Variants in CRISPLD1 observed in about 807,000 individuals in gnomAD.
CRISPLD1 encodes the protein cysteine rich secretory protein LCCL domain containing 1, also known as cysteine-rich secretory protein LCCL domain-containing 1.
A neutral mutation model predicts 77.5 loss-of-function variants in CRISPLD1; 60 were observed. The ratio of observed to expected loss-of-function variants is 0.77; its 90% CI spans 0.63 to 0.96. The LOEUF is 0.96. Ranked by LOEUF, CRISPLD1 falls within the 40% of genes least tolerant of loss-of-function variation. The probability of loss-of-function intolerance (pLI) is 0.00; values close to 1 mark genes in which losing one functional copy is unlikely to be tolerated. For missense variants in CRISPLD1, 623 were observed against 615.8 expected, an observed-to-expected ratio of 1.01 and a Z score of -0.12; for synonymous variants, 195 against 200.1, an observed-to-expected ratio of 0.97 and a Z score of 0.22.
chr8:75,017,427 T>C lies in CRISPLD1; in HGVS notation c.1104T>C (p.Asn368=). The C allele has an allele frequency of 6.2e-7, 1 of 1,605,738 alleles. No homozygotes were observed. The highest frequency in any genetic ancestry group is 8.5e-7 in the Non-Finnish European group (1 of 1,177,284). ...GAAAGCATTATTTCATCAAGTCCAATAGAAATGGTATTCAAACAATTGGGT... is the reference window on the plus strand; with the variant it reads ...GAAAGCATTATTTCATCAAGTCCAACAGAAATGGTATTCAAACAATTGGGT... ...QGRKHYFIKS[N]RNGIQTIGKY... is the part of the protein sequence containing the mutation. The change falls in exon 10 of 15, where the codon AAT becomes AAC. Residue 368 remains asparagine, a synonymous_variant. Transcript: ENST00000262207.
At chr8:75,032,014 G>A (rs1813356882) in intron 14 of CRISPLD1, among the ~76,000 whole-genome samples, 177 bp from the exon 15 acceptor site, 1 of 151,920 alleles carries the variant, frequency 6.6e-6, no homozygotes, top group Admixed American at 6.6e-5. Flanking sequence ...AGAGTTAAGA[G>A]TTATGTCATC....
intron 2 of CRISPLD1, among the ~76,000 whole-genome samples, chr8:74,997,835 T>A (rs1160778316): frequency 1.3e-5 from 2 of 152,186 alleles, no homozygotes; most frequent in Non-Finnish European, 2.9e-5. Context: ...TTTGTCAATA[T>A]TGAGGTCACT....
chr8:74,990,088 C>A (rs186205662), intron 2 of CRISPLD1, among the ~76,000 whole-genome samples: 1 of 151,830 alleles, frequency 6.6e-6, no homozygotes, highest in East Asian at 1.9e-4. Flanking sequence ...TGATAAACAC[C>A]GGAGACTTGG....
intron 2 of CRISPLD1, among the ~76,000 whole-genome samples, chr8:75,010,894 C>T (rs1812917130): frequency 6.6e-6 from 1 of 151,948 alleles, no homozygotes; most frequent in Admixed American, 6.6e-5. Flanking sequence ...CTCTGGACCC[C>T]CAGTCATGTA....
chr8:74,990,247 A>G (rs768038541), intron 2 of CRISPLD1, among the ~76,000 whole-genome samples: 7 of 152,052 alleles, frequency 4.6e-5, no homozygotes, highest in Admixed American at 6.5e-5. Flanking sequence ...CAATACATCA[A>G]TGTAACAAAA....
intron 5 of CRISPLD1, 88 bp downstream of exon 5, chr8:75,014,190 G>A (rs143654283): frequency 6.0e-6 from 5 of 831,984 alleles, no homozygotes; most frequent in African/African-American, 5.1e-5. Flanking sequence ...CCCATTTTCA[G>A]TGTGTATCAC....
Position 75,020,069 on chromosome 8 carries a change from C to T in CRISPLD1, c.1234C>T (p.His412Tyr), listed in dbSNP as rs776715817. Reference protein sequence around the residue: ...QLCPFHKPASHCPRVYCPRNC... With the variant: ...QLCPFHKPASYCPRVYCPRNC... The stretch of plus-strand genomic sequence containing the variant: ...CTGTCCATTTCATAAGCCTGCTTCA[C>T]ATTGCCCAAGGTAAACCAGTGTACA... The change falls in exon 12 of 15, where the codon CAT (histidine) becomes TAT (tyrosine). Residue 412 changes from histidine to tyrosine, a missense_variant. Coordinates refer to ENST00000262207, the MANE Select transcript of CRISPLD1 (RefSeq NM_031461.6). The T allele has an allele frequency of 1.9e-6, 3 of 1,613,984 alleles. No homozygotes were observed. The highest frequency in any genetic ancestry group is 1.7e-5 in the Admixed American group (1 of 60,022).
At position 75,029,438 on chromosome 8, in the gene CRISPLD1, G is replaced by C; in HGVS notation, c.1372G>C (p.Gly458Arg). The change falls in exon 14 of 15, where the codon GGT becomes CGT. Residue 458 changes from glycine (G) to arginine (R), a missense_variant. Coordinates refer to ENST00000262207, the MANE Select transcript of CRISPLD1 (RefSeq NM_031461.6). ...AVHAGVVRNH[G>R]GYVDVMPVDK... ...ACATGCTGGAGTGGTTCGAAATCAC[G>C]GTGGTTATGTTGATGTAATGCCTGT... The C allele has an allele frequency of 6.2e-7, 1 of 1,613,734 alleles. No homozygotes were observed. The highest frequency in any genetic ancestry group is 1.3e-5 in the African/African-American group (1 of 75,022).
At chr8:75,021,178 T>A (rs1472792245) in intron 12 of CRISPLD1, among the ~76,000 whole-genome samples, 2 of 152,210 alleles carry the variant, frequency 1.3e-5, no homozygotes, top group African/African-American at 4.8e-5. Flanking sequence ...CATCATTACT[T>A]ACCCTTTTGA....
At chr8:75,003,857 T>G (rs1812786174) in intron 2 of CRISPLD1, among the ~76,000 whole-genome samples, 1 of 152,128 alleles carries the variant, frequency 6.6e-6, no homozygotes, top group African/African-American at 2.4e-5. Context: ...CTATAGAAAA[T>G]TAATGGCTTT....
intron 2 of CRISPLD1, among the ~76,000 whole-genome samples, chr8:74,986,759 T>C (rs994640224): frequency 6.6e-6 from 1 of 152,320 alleles, no homozygotes; most frequent in African/African-American, 2.4e-5. Flanking sequence ...TGGCAATGGC[T>C]TTTTTCTCCC....
chr8:74,996,874 C>T (rs1187266266), intron 2 of CRISPLD1, among the ~76,000 whole-genome samples: 1 of 151,832 alleles, frequency 6.6e-6, no homozygotes, highest in Non-Finnish European at 1.5e-5. Flanking sequence ...CATACCACCA[C>T]ACCCAGCTAA....
In CRISPLD1 at chr8:75,034,307, C is replaced by A. The variant is rs1196284365; in HGVS notation, c.*2065C>A. 1 of 152,032 alleles carries A rather than the reference C, an allele frequency of 6.6e-6. No individual in the cohort carries two copies. Among genetic ancestry groups the A allele is most frequent in the Non-Finnish European group, 1.5e-5 (1 of 67,930 alleles). The allele number at this position is 152,032 out of a possible 1,614,324, so 9.4% of individuals were successfully genotyped here. On this transcript the variant is annotated 3_prime_UTR_variant, in exon 15 of 15. Transcript: ENST00000262207. ...ACCTGTAAAATGGAACAAATAATAT[C>A]TCCTTAAGATTGCTCTACGAATTAA...
chr8:75,015,014 C>T (rs529052109), intron 6 of CRISPLD1, 102 bp downstream of exon 6: 10 of 589,382 alleles, frequency 1.7e-5, no homozygotes, highest in East Asian at 6.9e-5. Flanking sequence ...AATGATCACA[C>T]GAAAAGTATC....
intron 2 of CRISPLD1, among the ~76,000 whole-genome samples, chr8:74,990,220 C>T (rs532301656): frequency 3.3e-5 from 5 of 151,620 alleles, no homozygotes; most frequent in Admixed American, 6.6e-5. Context: ...ACTAAAATTA[C>T]AGACTTCATC....
At position 75,032,852 on chromosome 8, in the gene CRISPLD1, T is replaced by C. The variant is rs993236539; in HGVS notation, c.*610T>C. Reference sequence around the variant, plus strand: ...GAATCTGTTAAAATGTTTGATTCCTTGGGAATGGCCTTAAAAATAAATGTA... The same window carrying C: ...GAATCTGTTAAAATGTTTGATTCCTCGGGAATGGCCTTAAAAATAAATGTA... On this transcript the variant is annotated 3_prime_UTR_variant, in exon 15 of 15. Coordinates refer to ENST00000262207, the MANE Select transcript of CRISPLD1 (RefSeq NM_031461.6). 1.3e-5 allele frequency: 2 copies of C among 151,924 alleles called. No individual in the cohort carries two copies. The highest frequency in any genetic ancestry group is 6.6e-5 in the Admixed American group (1 of 15,226). 9.4% of individuals were successfully genotyped at this position (151,924 alleles called of 1,614,324 possible).
rs187003238 is a variant in CRISPLD1, at chr8:74,986,253, C to T, written c.258+8C>T. 5 of 1,612,558 alleles carry T rather than the reference C, an allele frequency of 3.1e-6. No homozygotes were observed. Among genetic ancestry groups the T allele is most frequent in the Non-Finnish European group, 4.2e-6 (5 of 1,178,730 alleles). On this transcript the variant is annotated splice_region_variant and intron_variant, in intron 2 of 14. Transcript: ENST00000262207. Reference sequence around the variant, plus strand: ...TCTAATATGGAGTATATGGTAAGGACATTTTTCAAGTGGTATGTACAAAAG... The same window carrying T: ...TCTAATATGGAGTATATGGTAAGGATATTTTTCAAGTGGTATGTACAAAAG...
intron 6 of CRISPLD1, among the ~76,000 whole-genome samples, chr8:75,015,335 C>G (rs1230243537): frequency 6.6e-6 from 1 of 152,050 alleles, no homozygotes; most frequent in African/African-American, 2.4e-5. Flanking sequence ...GAACCATGCT[C>G]AATGAATTAT....
intron 13 of CRISPLD1, chr8:75,026,493 G>C (rs1813238228): frequency 6.6e-6 from 1 of 152,234 alleles, no homozygotes; most frequent in Admixed American, 6.5e-5. Context: ...TTGTCTCTAA[G>C]CTGCTGAAAA....
Sources: gnomAD v4.1 joint callset for allele counts (sites outside exome capture counted in the v4.1 genomes callset) on GRCh38, gnomAD v4.1.1 for gene constraint, MANE v1.5 for transcripts, NCBI Gene and HGNC (gene_info 2026-07-23, HGNC 2026-07-21) for gene names.